DHX8: variants seen among roughly 807,000 people sequenced by gnomAD.
DHX8 encodes the protein ATP-dependent RNA helicase DHX8.
A neutral mutation model predicts 140.7 loss-of-function variants in DHX8; 67 were observed. The observed-to-expected ratio is 0.48, with a 90% confidence interval of 0.39 to 0.58. The LOEUF (loss-of-function observed/expected upper bound fraction) is 0.58, where lower values mean the gene tolerates loss of function less well. Among genes scored for constraint, DHX8 ranks in the 20% least tolerant of loss-of-function variants. DHX8 has a pLI of 0.00. For missense variants in DHX8, 887 were observed against 1,550.7 expected, an observed-to-expected ratio of 0.57 and a Z score of 7.19; for synonymous variants, 533 against 553.2, an observed-to-expected ratio of 0.96 and a Z score of 0.51.
intron 16 of DHX8, among the ~76,000 whole-genome samples, chr17:43,509,027 C>T (rs1969653159): frequency 6.6e-6 from 1 of 152,194 alleles, no homozygotes. Flanking sequence ...TCTTCTTCCT[C>T]TTCTTCATTT....
chr17:43,529,412 A>G (rs1970766571), downstream of DHX8: 1 of 1,477,762 alleles, frequency 6.8e-7, no homozygotes. Context: ...AGCAAGAATC[A>G]TGATGGAGGC....
intron 16 of DHX8, among the ~76,000 whole-genome samples, chr17:43,512,919 G>A (rs1379209521): frequency 1.3e-5 from 2 of 151,768 alleles, no homozygotes; most frequent in African/African-American, 2.4e-5. Flanking sequence ...TACATATTCC[G>A]CAAAATACAA....
At chr17:43,505,019 A>G (rs1200076159) in intron 12 of DHX8, among the ~76,000 whole-genome samples, 194 bp downstream of exon 12, 1 of 152,184 alleles carries the variant, frequency 6.6e-6, no homozygotes, top group Non-Finnish European at 1.5e-5. Flanking sequence ...GTGGATGCCT[A>G]TAATCCCAGC....
At chr17:43,512,102 G>T (rs1458351152) in intron 16 of DHX8, among the ~76,000 whole-genome samples, 1 of 151,944 alleles carries the variant, frequency 6.6e-6, no homozygotes, top group Non-Finnish European at 1.5e-5. Flanking sequence ...AAGGCAGATG[G>T]ACTTGGCCGG....
chr17:43,501,383 G>A (rs1008144324), intron 11 of DHX8, among the ~76,000 whole-genome samples: 1 of 152,206 alleles, frequency 6.6e-6, no homozygotes, highest in Non-Finnish European at 1.5e-5. Context: ...GGCAGTGGTA[G>A]GGGATGAGAT....
At chr17:43,509,607 C>G (rs561664683) in intron 16 of DHX8, among the ~76,000 whole-genome samples, 1 of 152,164 alleles carries the variant, frequency 6.6e-6, no homozygotes, top group Non-Finnish European at 1.5e-5. Context: ...CCTCAGCCGC[C>G]TAAGCAGCTG....
chr17:43,494,306 G>T (rs1968717326), intron 8 of DHX8, among the ~76,000 whole-genome samples: 1 of 152,138 alleles, frequency 6.6e-6, no homozygotes, highest in Non-Finnish European at 1.5e-5. Flanking sequence ...TTTGGGTGGG[G>T]ACACAGCCAA....
chr17:43,516,208 T>C (rs1002304882), intron 17 of DHX8, among the ~76,000 whole-genome samples: 3 of 152,196 alleles, frequency 2.0e-5, no homozygotes, highest in Non-Finnish European at 4.4e-5. Context: ...GAATAATACA[T>C]GTTCAATATT....
intron 18 of DHX8, 190 bp downstream of exon 18, chr17:43,517,512 C>T: frequency 3.3e-6 from 2 of 599,578 alleles, no homozygotes; most frequent in Non-Finnish European, 5.6e-6. Flanking sequence ...GGCATGTCTG[C>T]TGTGAACACA....
chr17:43,500,505 T>G (rs1969125615), intron 11 of DHX8, among the ~76,000 whole-genome samples: 1 of 151,868 alleles, frequency 6.6e-6, no homozygotes, highest in Admixed American at 6.6e-5. Flanking sequence ...AATTTACCCT[T>G]GGTTTTTCAC....
rs1970527341 is a variant in DHX8, at chr17:43,524,349, C to T, written c.*502C>T. ...GTTTTCTGTGACTGTTTTCTTTTAG[C>T]CGAAAGGTTAGGATATTGGCCTGGG... On this transcript the variant is annotated 3_prime_UTR_variant, in exon 23 of 23. Coordinates refer to ENST00000262415, the MANE Select transcript of DHX8 (RefSeq NM_004941.3). 6.0e-6 allele frequency: 6 copies of T among 1,003,358 alleles called. No homozygotes were observed. The South Asian group carries it at 2.6e-4, about 43-fold the overall frequency. The allele number at this position is 1,003,358 out of a possible 1,614,324, so 62.2% of individuals were successfully genotyped here.
chr17:43,528,427 TG>T (rs994082197), downstream of DHX8: 2 of 852,336 alleles, frequency 2.3e-6, no homozygotes, highest in Non-Finnish European at 3.6e-6. Context: ...GAGACATCTG[TG>T]GGTTTCAGAT....
At chr17:43,542,732 A>G (rs1971586677) in intron 3 of DHX8, among the ~76,000 whole-genome samples, 2 of 152,206 alleles carry the variant, frequency 1.3e-5, no homozygotes, top group Admixed American at 6.5e-5. Flanking sequence ...ATCTTCCTGT[A>G]TCTGCCCGGC....
intron 2 of DHX8, chr17:43,533,987 T>C (rs373514436): frequency 1.4e-5 from 21 of 1,525,720 alleles, no homozygotes; most frequent in Non-Finnish European, 1.8e-5. Context: ...GGAAAGCTAC[T>C]GTGGGGGTGG....
chr17:43,498,353 A>G (rs1598137150), intron 9 of DHX8, among the ~76,000 whole-genome samples: 1 of 151,674 alleles, frequency 6.6e-6, no homozygotes, highest in Admixed American at 6.6e-5. Flanking sequence ...CACCATGTTG[A>G]CCAGGCTGGT....
Position 43,493,844 on chromosome 17 carries a change from C to T in DHX8, c.1170C>T (p.Arg390=), listed in dbSNP as rs1342023629. 3 of 1,614,200 alleles carry T rather than the reference C, an allele frequency of 1.9e-6. No homozygotes were observed. The South Asian group carries it at 3.3e-5, about 18-fold the overall frequency. The change falls in exon 8 of 23, where the codon CGC becomes CGT. Residue 390 remains arginine (R), a synonymous_variant. Coordinates refer to ENST00000262415, the MANE Select transcript of DHX8 (RefSeq NM_004941.3). ...EVEDDSLERK[R]LTRISDPEKW... is the part of the protein sequence containing the mutation. ...AGGACGACTCACTGGAACGCAAGCG[C>T]CTCACCCGAATCTCTGACCCAGAGA...
intron 2 of DHX8, among the ~76,000 whole-genome samples, chr17:43,532,119 C>T (rs1400419522): frequency 1.3e-5 from 2 of 152,214 alleles, no homozygotes; most frequent in Admixed American, 6.5e-5. Flanking sequence ...CTGCCATGGC[C>T]TCCTAAAGTG....
In DHX8 at chr17:43,488,238, A is replaced by G. The variant is rs541679682; in HGVS notation, c.149-1211A>G. Among the ~76,000 whole-genome samples the G allele has an allele frequency of 1.6e-4, 25 of 151,716 alleles. 1 individual carries two copies. Among genetic ancestry groups the G allele is most frequent in the African/African-American group, 5.6e-4 (23 of 41,290 alleles). On this transcript the variant is annotated intron_variant, in intron 1 of 22. Transcript: ENST00000262415. ...GGTGGCAGTGAGCCAAGATCCCGCC[A>G]CTGCACTCCAGCCTGGGCGACAGAG...
downstream of DHX8, chr17:43,526,353 C>G (rs546047327): frequency 1.6e-3 from 2,371 of 1,464,226 alleles, 11 homozygotes; most frequent in Middle Eastern, 0.018. Flanking sequence ...TGCCTCTGCA[C>G]ACATGCTGAG....
Sources: allele counts gnomAD v4.1 joint callset (sites outside exome capture counted in the v4.1 genomes callset), GRCh38; gene constraint gnomAD v4.1.1; transcripts MANE v1.5; gene names NCBI Gene and HGNC (gene_info 2026-07-23, HGNC 2026-07-21).